ELMO1: variants seen among roughly 807,000 people sequenced by gnomAD.
ELMO1 encodes engulfment and cell motility 1, also known as engulfment and cell motility protein 1.
In ELMO1, 26 loss-of-function variants were observed where a neutral mutation model predicts 98.9. That is an observed-to-expected ratio of 0.26 (90% confidence interval 0.19 to 0.36). The LOEUF (loss-of-function observed/expected upper bound fraction) is 0.36, where lower values mean the gene tolerates loss of function less well. Among genes scored for constraint, ELMO1 ranks in the 10% least tolerant of loss-of-function variants. ELMO1 has a pLI of 1.00. For synonymous variants in ELMO1, 346 were observed against 346.0 expected, an observed-to-expected ratio of 1.00 and a Z score of 0.00; for missense variants, 627 against 935.2, an observed-to-expected ratio of 0.67 and a Z score of 4.30.
chr7:37,303,985 G>A (rs140582478), intron 4 of ELMO1, among the ~76,000 whole-genome samples: 1 of 152,124 alleles, frequency 6.6e-6, no homozygotes, highest in African/African-American at 2.4e-5. Context: ...GGTGGCGGTC[G>A]CTGCCCTGCT....
Position 36,870,765 on chromosome 7 carries a change from T to C in ELMO1, c.1823-290A>G, listed in dbSNP as rs2129040397. 6.6e-6 allele frequency among the ~76,000 whole-genome samples: 1 copy of C among 152,336 alleles called. No individual in the cohort carries two copies. Among genetic ancestry groups the C allele is most frequent in the Middle Eastern group, 3.4e-3 (1 of 294 alleles). ...TAAAAAAACACCCATCATAGTACTG[T>C]TTGAAGTCATGGCATTAGAAGCAGC... On this transcript the variant is annotated intron_variant, in intron 19 of 21. Coordinates refer to ENST00000310758, the MANE Select transcript of ELMO1 (RefSeq NM_014800.11). The surrounding 1 kb of genome is among the most constrained non-coding windows in gnomAD (Gnocchi z 4.4).
chr7:37,217,663 G>A (rs1397595393), intron 10 of ELMO1: 2 of 456,800 alleles, frequency 4.4e-6, no homozygotes, highest in South Asian at 3.1e-5. Context: ...GAGCAGCACA[G>A]GAGAGCAGGG....
intron 15 of ELMO1, among the ~76,000 whole-genome samples, chr7:37,027,636 T>C (rs1345727648): frequency 6.6e-6 from 1 of 152,212 alleles, no homozygotes; most frequent in Non-Finnish European, 1.5e-5. Context: ...TATTTACTGT[T>C]TGGTTCAGTC....
chr7:37,141,695 C>G (rs568146953), intron 13 of ELMO1, among the ~76,000 whole-genome samples: 4 of 152,260 alleles, frequency 2.6e-5, no homozygotes, highest in African/African-American at 9.6e-5. Context: ...AACATACTTT[C>G]ATTTTGTCCC....
chr7:37,140,387 A>G (rs147805794), intron 13 of ELMO1, among the ~76,000 whole-genome samples: 3,483 of 148,920 alleles, frequency 0.023, 143 homozygotes, highest in African/African-American at 0.081. Context: ...CTCCGTCTCA[A>G]AAAAAAAAAA....
chr7:37,012,398 G>A (rs1159107240), intron 16 of ELMO1, among the ~76,000 whole-genome samples: 3 of 152,192 alleles, frequency 2.0e-5, no homozygotes, highest in African/African-American at 7.2e-5. Context: ...AAGCCCCACA[G>A]TATGACTGAG....
intron 1 of ELMO1, among the ~76,000 whole-genome samples, chr7:37,415,492 TC>T (rs1804175523): frequency 6.6e-6 from 1 of 152,174 alleles, no homozygotes; most frequent in Non-Finnish European, 1.5e-5. Flanking sequence ...CAAGTTTATT[TC>T]CCCAGTCTCA....
chr7:37,017,341 G>A (rs990574347), intron 15 of ELMO1, among the ~76,000 whole-genome samples: 1 of 152,186 alleles, frequency 6.6e-6, no homozygotes, highest in African/African-American at 2.4e-5. Context: ...CACATTGAAT[G>A]AGTGTATTTG....
At chr7:36,932,458 G>A (rs1786127016) in intron 16 of ELMO1, among the ~76,000 whole-genome samples, 1 of 152,210 alleles carries the variant, frequency 6.6e-6, no homozygotes, top group South Asian at 2.1e-4. Context: ...AAAATCTCCT[G>A]AATTCAGACC....
chr7:37,133,170 A>G lies in ELMO1; in HGVS notation c.1151T>C (p.Met384Thr). 4 of 1,613,254 alleles carry G rather than the reference A, an allele frequency of 2.5e-6. No individual in the cohort carries two copies. The highest frequency in any genetic ancestry group is 3.4e-6 in the Non-Finnish European group (4 of 1,179,666). The change falls in exon 14 of 22, where the codon ATG (methionine) becomes ACG (threonine). Residue 384 changes from methionine (M) to threonine (T), a missense_variant. By Grantham distance (81) the Met-to-Thr change is moderately conservative. Around this residue, in one of 3 missense-constraint regions of ELMO1, gnomAD observed 492 missense variants for 715.6 expected, o/e 0.69. Transcript: ENST00000310758. Reference sequence around the variant, plus strand: ...TTGGTGGTGCTTGGCAAAGTACAGCATGTTGTCCAGAGCCAACATCCCAGG... The same window carrying G: ...TTGGTGGTGCTTGGCAAAGTACAGCGTGTTGTCCAGAGCCAACATCCCAGG... Reference protein sequence around the residue: ...TPPGMLALDNMLYFAKHHQDA... With the variant: ...TPPGMLALDNTLYFAKHHQDA...
chr7:37,142,426 C>T (rs1787701832), intron 13 of ELMO1, among the ~76,000 whole-genome samples: 1 of 152,202 alleles, frequency 6.6e-6, no homozygotes, highest in Non-Finnish European at 1.5e-5. Flanking sequence ...CTGGTAGGTG[C>T]TATTCTTATC....
chr7:37,058,168 C>A (rs1796484803), intron 15 of ELMO1, among the ~76,000 whole-genome samples: 1 of 152,184 alleles, frequency 6.6e-6, no homozygotes. Context: ...GGTCTTCAGT[C>A]TAGAGTTCCT....
At chr7:37,269,023 G>A (rs911111787) in intron 5 of ELMO1, among the ~76,000 whole-genome samples, 1 of 152,244 alleles carries the variant, frequency 6.6e-6, no homozygotes, top group African/African-American at 2.4e-5. Context: ...GGCAGACGAA[G>A]GAACTTCGAA....
chr7:37,274,584 G>C (rs996644273), intron 4 of ELMO1, among the ~76,000 whole-genome samples: 1 of 152,060 alleles, frequency 6.6e-6, no homozygotes, highest in Non-Finnish European at 1.5e-5. Flanking sequence ...AAGGAGTCTC[G>C]TTCTGTCACC....
At chr7:37,212,985 G>C (rs949745804) in intron 12 of ELMO1, among the ~76,000 whole-genome samples, 1 of 152,118 alleles carries the variant, frequency 6.6e-6, no homozygotes, top group African/African-American at 2.4e-5. Flanking sequence ...ATGCCACATA[G>C]AGTCACCAAG....
chr7:37,236,998 T>C lies in ELMO1; in HGVS notation c.450-3804A>G, dbSNP rs1456293757. 5.3e-5 allele frequency among the ~76,000 whole-genome samples: 8 copies of C among 152,242 alleles called. No individual in the cohort carries two copies. In the South Asian group the frequency reaches 8.3e-4, roughly 16 times the overall value. ...CAGGAACATTTTTATTTGTTTGGAT[T>C]ATTTGTATTTTGTAAACTGTTAGGC... On this transcript the variant is annotated intron_variant, in intron 7 of 21. Coordinates refer to ENST00000310758, the MANE Select transcript of ELMO1 (RefSeq NM_014800.11).
intron 1 of ELMO1, chr7:37,429,626 T>A (rs1451657067): frequency 6.6e-6 from 1 of 152,342 alleles, no homozygotes; most frequent in African/African-American, 2.4e-5. Context: ...GTTCAGGTGC[T>A]CTCAGGCCAG....
chr7:37,217,856 C>A (rs1254650588), intron 10 of ELMO1: 2 of 453,202 alleles, frequency 4.4e-6, no homozygotes, highest in African/African-American at 4.0e-5. Flanking sequence ...TGTATTTGAA[C>A]GCCCCTGCTG....
At chr7:37,370,525 A>G (rs1802075610) in intron 1 of ELMO1, among the ~76,000 whole-genome samples, 1 of 152,164 alleles carries the variant, frequency 6.6e-6, no homozygotes, top group South Asian at 2.1e-4. Flanking sequence ...CTACAGTGAC[A>G]TCGATAATGA....
Sources: gnomAD v4.1 joint callset for allele counts (sites outside exome capture counted in the v4.1 genomes callset) on GRCh38, gnomAD v4.1.1 for gene constraint, gnomAD v4.1.1 regional missense constraint, Gnocchi (gnomAD v3.1) non-coding constraint, MANE v1.5 for transcripts, NCBI Gene and HGNC (gene_info 2026-07-23, HGNC 2026-07-21) for gene names.